TNRC6B: variants seen among roughly 807,000 people sequenced by gnomAD.
TNRC6B encodes trinucleotide repeat containing adaptor 6B.
A neutral mutation model predicts 203.6 loss-of-function variants in TNRC6B; 52 were observed. That is an observed-to-expected ratio of 0.26 (90% confidence interval 0.20 to 0.32). The LOEUF (loss-of-function observed/expected upper bound fraction) is 0.32, where lower values mean the gene tolerates loss of function less well. Among genes scored for constraint, TNRC6B ranks in the 10% least tolerant of loss-of-function variants. The pLI is 1.00. For synonymous variants in TNRC6B, 838 were observed against 845.7 expected (o/e 0.99, Z 0.16); for missense variants, 1,923 against 2,286.2 (o/e 0.84, Z 3.24).
In TNRC6B at chr22:40,251,162, A is replaced by G; in HGVS notation, c.94-17A>G. The G allele has an allele frequency of 6.5e-7, 1 of 1,532,770 alleles. No individual in the cohort carries two copies. Among genetic ancestry groups the G allele is most frequent in the Non-Finnish European group, 8.8e-7 (1 of 1,136,886 alleles). 94.9% of individuals were successfully genotyped at this position (1,532,770 alleles called of 1,614,324 possible). ...TAAAAAGCAAATCTCATTTACTTTT[A>G]TCTGTTTATTTTGCAGGTCACGGAA... On this transcript the variant is annotated splice_polypyrimidine_tract_variant and intron_variant, in intron 2 of 22. Transcript: ENST00000454349.
intron 1 of TNRC6B, among the ~76,000 whole-genome samples, chr22:40,244,229 C>T (rs1287003499): frequency 6.6e-6 from 1 of 152,188 alleles, no homozygotes; most frequent in East Asian, 1.9e-4. Flanking sequence ...GAGGGCACTG[C>T]TGCTGCAGGT....
At chr22:40,189,498 C>CAA (rs56029573) in intron 1 of TNRC6B, among the ~76,000 whole-genome samples, 24 of 112,278 alleles carry the variant, frequency 2.1e-4, no homozygotes, top group South Asian at 5.6e-4. Flanking sequence ...TTTGTCTGCC[C>CAA]AAAAAAAAAA....
intron 3 of TNRC6B, among the ~76,000 whole-genome samples, chr22:40,255,680 G>C (rs999113143): frequency 6.6e-6 from 1 of 152,124 alleles, no homozygotes; most frequent in African/African-American, 2.4e-5. Context: ...CGATTAGGAG[G>C]CCAGGTGTTT....
At chr22:40,092,764 G>T (rs1276571964) in intron 1 of TNRC6B, among the ~76,000 whole-genome samples, 2 of 152,094 alleles carry the variant, frequency 1.3e-5, no homozygotes, top group East Asian at 1.9e-4. Context: ...TGACCCTCTC[G>T]CCTTAGCTTC....
intron 11 of TNRC6B, among the ~76,000 whole-genome samples, chr22:40,284,940 A>G (rs532567671): frequency 6.6e-6 from 1 of 152,344 alleles, no homozygotes; most frequent in South Asian, 2.1e-4. Flanking sequence ...ATCTCATTGG[A>G]ATAGTGTAGA....
intron 19 of TNRC6B, among the ~76,000 whole-genome samples, chr22:40,313,286 T>C (rs921154323): frequency 4.6e-5 from 7 of 152,202 alleles, no homozygotes; most frequent in African/African-American, 1.7e-4. Context: ...CACATGCTTC[T>C]CTTTTAACAA....
At chr22:40,128,795 T>C (rs1411543827) in intron 3 of TNRC6B, among the ~76,000 whole-genome samples, 2 of 151,956 alleles carry the variant, frequency 1.3e-5, no homozygotes, top group African/African-American at 4.8e-5. Flanking sequence ...AGTGCTGGAA[T>C]TATAGGTGTA....
intron 1 of TNRC6B, among the ~76,000 whole-genome samples, chr22:40,069,446 C>G (rs2067927887): frequency 6.7e-6 from 1 of 148,190 alleles, no homozygotes; most frequent in Non-Finnish European, 1.5e-5. Flanking sequence ...ATTTTTCAGT[C>G]TTTAGTTTCT....
At position 40,191,097 on chromosome 22, in the gene TNRC6B, A is replaced by G. The variant is rs2069265246; in HGVS notation, c.5+12957A>G. Among the ~76,000 whole-genome samples, 3 of 152,286 alleles carry G rather than the reference A, an allele frequency of 2.0e-5. No individual in the cohort carries two copies. In the East Asian group the frequency reaches 5.8e-4, roughly 29 times the overall value. ...GGGAATGGGAAAGTCTCCCCCAAGG[A>G]GGAAACATCTGAGCTGGGTCTTAAT... On this transcript the variant is annotated intron_variant, in intron 1 of 22. Transcript: ENST00000454349.
intron 1 of TNRC6B, among the ~76,000 whole-genome samples, chr22:40,075,721 T>C (rs994022611): frequency 6.6e-6 from 1 of 152,196 alleles, no homozygotes; most frequent in African/African-American, 2.4e-5. Flanking sequence ...TGGCTTCTTT[T>C]TGATTACTTT....
At chr22:40,125,048 G>A (rs73412612) in intron 2 of TNRC6B, among the ~76,000 whole-genome samples, 3,075 of 151,818 alleles carry the variant, frequency 0.02, 89 homozygotes, top group African/African-American at 0.07. Context: ...AATTACATAT[G>A]TAATGAATTC....
intron 21 of TNRC6B, 34 bp from the exon 22 acceptor site, chr22:40,321,056 C>T (rs747763676): frequency 1.2e-6 from 2 of 1,610,200 alleles, no homozygotes; most frequent in Non-Finnish European, 1.7e-6. Flanking sequence ...ACCCCACCTC[C>T]AGTCTTTATC....
At chr22:40,123,194 G>A (rs2068460205) in intron 2 of TNRC6B, among the ~76,000 whole-genome samples, 1 of 152,146 alleles carries the variant, frequency 6.6e-6, no homozygotes. Context: ...TGGAGGGGCA[G>A]AAGTCTTGGT....
In TNRC6B at chr22:40,172,185, A is replaced by T. The variant is rs543466831; in HGVS notation, c.113+16003A>T. On this transcript the variant is annotated intron_variant, in intron 4 of 23. Transcript: ENST00000301923. ...ATGAGCCACCATGCCCGGCCTAAACATCTGCTTTTCAACTCAGCTTAAATG... is the reference window on the plus strand; with the variant it reads ...ATGAGCCACCATGCCCGGCCTAAACTTCTGCTTTTCAACTCAGCTTAAATG... Among the ~76,000 whole-genome samples the T allele has an allele frequency of 2.0e-5, 3 of 152,256 alleles. No individual in the cohort carries two copies. In the South Asian group the frequency reaches 6.2e-4, roughly 32 times the overall value.
chr22:40,179,479 A>T (rs980022261), intron 1 of TNRC6B, among the ~76,000 whole-genome samples: 2 of 152,196 alleles, frequency 1.3e-5, no homozygotes, highest in Non-Finnish European at 2.9e-5. Context: ...TGTTCTTCTA[A>T]ATCTGTTACA....
intron 3 of TNRC6B, among the ~76,000 whole-genome samples, chr22:40,131,593 A>G (rs1174479005): frequency 6.6e-6 from 1 of 152,078 alleles, no homozygotes; most frequent in African/African-American, 2.4e-5. Flanking sequence ...TGTGCTAGGA[A>G]CTGTGTTGGG....
At chr22:40,183,288 A>G (rs1038844494) in intron 1 of TNRC6B, among the ~76,000 whole-genome samples, 3 of 152,146 alleles carry the variant, frequency 2.0e-5, no homozygotes, top group Admixed American at 2.0e-4. Context: ...TGTTGAATGA[A>G]CCAGAAAGGC....
chr22:40,114,081 C>G (rs561159773), intron 1 of TNRC6B, among the ~76,000 whole-genome samples: 1 of 152,038 alleles, frequency 6.6e-6, no homozygotes, highest in African/African-American at 2.4e-5. Context: ...TTAAGAGCCT[C>G]TCTATACTGC....
intron 21 of TNRC6B, among the ~76,000 whole-genome samples, chr22:40,319,519 G>A (rs990985719): frequency 1.1e-3 from 167 of 149,756 alleles, no homozygotes; most frequent in African/African-American, 4.0e-3. Context: ...TCCGCCTCCC[G>A]GGTTAATGCG....
Sources: gnomAD v4.1 joint callset for allele counts (sites outside exome capture counted in the v4.1 genomes callset) on GRCh38, gnomAD v4.1.1 for gene constraint, MANE v1.5 for transcripts, NCBI Gene and HGNC (gene_info 2026-07-23, HGNC 2026-07-21) for gene names.